The following DEPDC1B variants were observed in gnomAD, a reference collection of about 807,000 sequenced individuals.
DEPDC1B encodes the protein DEP domain-containing protein 1B.
DEPDC1B carries 51 observed loss-of-function variants against 66.5 expected under a neutral mutation model. The ratio of observed to expected loss-of-function variants is 0.77; its 90% CI spans 0.61 to 0.97. The LOEUF is 0.97. DEPDC1B is among the 50% of genes least tolerant of loss of function. The pLI is 0.00. For missense variants in DEPDC1B, 552 were observed against 637.1 expected (o/e 0.87, Z 1.44); for synonymous variants, 226 against 223.6 (o/e 1.01, Z -0.10).
chr5:60,628,209 C>A (rs1487547394), intron 7 of DEPDC1B: 1 of 152,160 alleles, frequency 6.6e-6, no homozygotes, highest in African/African-American at 2.4e-5. Flanking sequence ...TTCGGTGATA[C>A]CTACCTTCGT....
intron 7 of DEPDC1B, chr5:60,628,734 A>T (rs985153999): frequency 2.6e-5 from 4 of 152,216 alleles, no homozygotes; most frequent in Non-Finnish European, 5.9e-5. Flanking sequence ...TCCTGCATAG[A>T]GTCTCAAACT....
At chr5:60,684,127 C>T (rs1754358432) in intron 2 of DEPDC1B, among the ~76,000 whole-genome samples, 1 of 152,046 alleles carries the variant, frequency 6.6e-6, no homozygotes. Flanking sequence ...AAAGACATCC[C>T]ATGCACATGG....
At chr5:60,620,001 CT>C (rs1752664586) in intron 7 of DEPDC1B, among the ~76,000 whole-genome samples, 1 of 152,184 alleles carries the variant, frequency 6.6e-6, no homozygotes, top group Non-Finnish European at 1.5e-5. Flanking sequence ...CTACAACTAC[CT>C]GATCTTTGAC....
At chr5:60,679,326 A>G (rs1754239523) in intron 2 of DEPDC1B, among the ~76,000 whole-genome samples, 1 of 152,232 alleles carries the variant, frequency 6.6e-6, no homozygotes, top group African/African-American at 2.4e-5. Context: ...AAAACTGGGT[A>G]GTATGATTCC....
At chr5:60,612,549 GAATAGTAAGT>G (rs372451018) in intron 7 of DEPDC1B, among the ~76,000 whole-genome samples, 1,539 of 97,746 alleles carry the variant, frequency 0.016, 31 homozygotes, top group African/African-American at 0.049. Flanking sequence ...AAAAAAAAAA[GAATAGTAAGT>G]AATAGTAAGT....
At chr5:60,686,078 C>T (rs956714363) in intron 2 of DEPDC1B, among the ~76,000 whole-genome samples, 1 of 152,170 alleles carries the variant, frequency 6.6e-6, no homozygotes, top group Non-Finnish European at 1.5e-5. Flanking sequence ...GCAGCTAGTC[C>T]AAGAGGGAGA....
chr5:60,668,235 ATATATATATATAAAATGGATAT>A lies in DEPDC1B; in HGVS notation c.314+18705_314+18726del, dbSNP rs1753945196. Among the ~76,000 whole-genome samples the A allele has an allele frequency of 1.0e-4, 11 of 105,526 alleles. 1 individual carries two copies. The highest frequency in any genetic ancestry group is 3.1e-4 in the African/African-American group (8 of 25,630). The allele number at this position is 105,526 out of a possible 152,430, so 69.2% of individuals were successfully genotyped here. A position where few individuals can be genotyped will look rare whatever the true frequency, so the allele number is the denominator to read the frequency against. On this transcript the variant is annotated intron_variant, in intron 2 of 10. Transcript: ENST00000265036. Reference sequence around the variant, plus strand: ...TATATATATATAAAATGGATATTTTATATATATATATAAAATGGATATTATATATATATATATATATATGTAT... The same window carrying A: ...TATATATATATAAAATGGATATTTTATATATATATATATATATATATGTAT...
chr5:60,685,296 C>T (rs1190172404), intron 2 of DEPDC1B, among the ~76,000 whole-genome samples: 1 of 151,948 alleles, frequency 6.6e-6, no homozygotes, highest in African/African-American at 2.4e-5. Context: ...GGATTTCATC[C>T]CAGCTTAATC....
intron 7 of DEPDC1B, among the ~76,000 whole-genome samples, chr5:60,624,540 T>C (rs1399560498): frequency 2.6e-5 from 4 of 152,226 alleles, no homozygotes; most frequent in African/African-American, 7.2e-5. Flanking sequence ...TCTTCTATTT[T>C]CTGAAAGGAC....
chr5:60,647,654 A>G (rs1489080129), intron 2 of DEPDC1B, 121 bp from the exon 3 acceptor site: 4 of 1,095,590 alleles, frequency 3.7e-6, no homozygotes, highest in Non-Finnish European at 5.0e-6. Context: ...TATTTATACA[A>G]TAATTACATA....
chr5:60,639,740 A>C (rs1477270105), intron 6 of DEPDC1B, among the ~76,000 whole-genome samples: 1 of 152,228 alleles, frequency 6.6e-6, no homozygotes, highest in Non-Finnish European at 1.5e-5. Flanking sequence ...TTGAGAGATG[A>C]ACTGGAGCTG....
intron 2 of DEPDC1B, among the ~76,000 whole-genome samples, chr5:60,664,093 G>C (rs894797239): frequency 5.9e-5 from 9 of 152,220 alleles, no homozygotes; most frequent in Admixed American, 1.3e-4. Context: ...ACCTGAAGCA[G>C]AAGTGGCTTT....
intron 7 of DEPDC1B, among the ~76,000 whole-genome samples, chr5:60,617,947 C>G (rs900656156): frequency 6.6e-6 from 1 of 152,164 alleles, no homozygotes; most frequent in Non-Finnish European, 1.5e-5. Context: ...TCTCTTAGAC[C>G]ACAGTGCAAT....
chr5:60,696,766 GT>G (rs1277884621), intron 1 of DEPDC1B, among the ~76,000 whole-genome samples: 1 of 152,082 alleles, frequency 6.6e-6, no homozygotes, highest in Non-Finnish European at 1.5e-5. Context: ...TCACACAATT[GT>G]TTTTTCTTAA....
At chr5:60,618,983 C>A (rs1435406516) in intron 7 of DEPDC1B, among the ~76,000 whole-genome samples, 1 of 152,172 alleles carries the variant, frequency 6.6e-6, no homozygotes, top group Non-Finnish European at 1.5e-5. Flanking sequence ...GCTGGTTCAA[C>A]ATATGAAAAT....
chr5:60,599,361 A>G, intron 9 of DEPDC1B, 101 bp from the exon 10 acceptor site: 1 of 856,672 alleles, frequency 1.2e-6, no homozygotes, highest in Non-Finnish European at 1.6e-6. Flanking sequence ...GTACCGTAGC[A>G]ATGCCATGTT....
chr5:60,692,464 C>T (rs78548762), intron 1 of DEPDC1B, among the ~76,000 whole-genome samples: 14,177 of 151,940 alleles, frequency 0.093, 1,236 homozygotes, highest in African/African-American at 0.22. Flanking sequence ...CAGTTTACAA[C>T]TTACAAAACT....
chr5:60,626,892 T>C (rs1752818956), intron 7 of DEPDC1B, among the ~76,000 whole-genome samples: 1 of 152,086 alleles, frequency 6.6e-6, no homozygotes, highest in Non-Finnish European at 1.5e-5. Context: ...CATACAGAAC[T>C]GAAAGTCTTC....
chr5:60,668,558 G>A (rs1753956975), intron 2 of DEPDC1B, among the ~76,000 whole-genome samples: 1 of 151,986 alleles, frequency 6.6e-6, no homozygotes, highest in South Asian at 2.1e-4. Flanking sequence ...TTACAGGCAT[G>A]AGCCACCATG....
Sources: gnomAD v4.1 joint callset for allele counts (sites outside exome capture counted in the v4.1 genomes callset) on GRCh38, gnomAD v4.1.1 for gene constraint, MANE v1.5 for transcripts, NCBI Gene and HGNC (gene_info 2026-07-23, HGNC 2026-07-21) for gene names.